The following PAPPA variants were observed in gnomAD, a reference collection of about 807,000 sequenced individuals.
The protein encoded by PAPPA is pappalysin-1.
Under a neutral mutation model 164.0 loss-of-function variants are expected in PAPPA, and 60 were observed. That is an observed-to-expected ratio of 0.37 (90% CI 0.30 to 0.45). The LOEUF (loss-of-function observed/expected upper bound fraction) is 0.45. Ranked by LOEUF, PAPPA falls within the 20% of genes least tolerant of loss-of-function variation. The pLI, the probability that PAPPA is intolerant of heterozygous loss-of-function variation, is 1.00. For synonymous variants in PAPPA, 875 were observed against 814.1 expected, an observed-to-expected ratio of 1.07 and a Z score of -1.27; for missense variants, 1,782 against 2,087.3, an observed-to-expected ratio of 0.85 and a Z score of 2.85.
At position 116,199,599 on chromosome 9, in the gene PAPPA, C is replaced by T. The variant is rs982546434; in HGVS notation, c.1479-7857C>T. On this transcript the variant is annotated intron_variant, in intron 2 of 21. Coordinates refer to ENST00000328252, the MANE Select transcript of PAPPA (RefSeq NM_002581.5). The stretch of plus-strand genomic sequence containing the variant: ...ATCATTTTATCCTCTTACATAAAAT[C>T]TGCCAGGGTCTGCTTGGGACTCCCA... Among the ~76,000 whole-genome samples the T allele has an allele frequency of 9.0e-4, 137 of 152,290 alleles. 1 individual carries two copies. The highest frequency in any genetic ancestry group is 3.2e-3 in the African/African-American group (134 of 41,558).
chr9:116,245,673 T>C (rs1460049933), intron 7 of PAPPA, among the ~76,000 whole-genome samples: 5 of 152,196 alleles, frequency 3.3e-5, no homozygotes, highest in African/African-American at 1.2e-4. Context: ...TTTCCTGAAA[T>C]AGAGGAATAT....
At chr9:116,349,036 C>T (rs963387300) in intron 15 of PAPPA, among the ~76,000 whole-genome samples, 1 of 152,072 alleles carries the variant, frequency 6.6e-6, no homozygotes, top group Non-Finnish European at 1.5e-5. Context: ...TTTGCCCCAC[C>T]TGGCCCTCTC....
At chr9:116,200,400 T>C (rs530945912) in intron 2 of PAPPA, among the ~76,000 whole-genome samples, 155 of 152,252 alleles carry the variant, frequency 1.0e-3, no homozygotes, top group South Asian at 1.0e-2. Flanking sequence ...AAGGATATGG[T>C]CGGTAGCATC....
At position 116,382,505 on chromosome 9, in the gene PAPPA, T is replaced by A. The variant is rs757207889; in HGVS notation, c.4776+12T>A. 6.4e-7 allele frequency: 1 copy of A among 1,560,856 alleles called. No homozygotes were observed. The highest frequency in any genetic ancestry group is 1.4e-5 in the African/African-American group (1 of 73,828). On this transcript the variant is annotated intron_variant, in intron 21 of 21. Coordinates refer to ENST00000328252, the MANE Select transcript of PAPPA (RefSeq NM_002581.5). ...TGAAGACCAAAAAGGTAGGCCAGTG[T>A]GCACTCCTCGGCAGCTGCCTCCTGC...
At chr9:116,341,567 C>T (rs1422808913) in intron 13 of PAPPA, among the ~76,000 whole-genome samples, 1 of 152,190 alleles carries the variant, frequency 6.6e-6, no homozygotes, top group African/African-American at 2.4e-5. Context: ...ACTATAATTT[C>T]ACCTTGGTTT....
chr9:116,374,691 G>A (rs1044238753), intron 19 of PAPPA, among the ~76,000 whole-genome samples: 2 of 152,182 alleles, frequency 1.3e-5, no homozygotes, highest in African/African-American at 4.8e-5. Flanking sequence ...ATAAACAGGG[G>A]AAGGCATGGG....
Position 116,187,897 on chromosome 9 carries a change from A to G in PAPPA, c.1159A>G (p.Lys387Glu). ...FQHHQLAEAF[K>E]QYNISWELDV... The stretch of plus-strand genomic sequence containing the variant: ...GCACCATCAGCTGGCTGAGGCCTTC[A>G]AGCAATACAACATCTCCTGGGAGCT... The change falls in exon 2 of 22, where the codon AAG (lysine) becomes GAG (glutamate). Residue 387 changes from lysine (K) to glutamate (E), a missense_variant. Lys to Glu is a moderately conservative substitution (Grantham distance 56). This residue lies in a region of PAPPA where 1,324 missense variants were observed against 1,656.9 expected (regional missense o/e 0.80). Coordinates refer to ENST00000328252, the MANE Select transcript of PAPPA (RefSeq NM_002581.5). The surrounding 1 kb of genome is among the most constrained non-coding windows in gnomAD (Gnocchi z 4.2). The G allele has an allele frequency of 6.2e-7, 1 of 1,614,172 alleles. No homozygotes were observed. Among genetic ancestry groups the G allele is most frequent in the African/African-American group, 1.3e-5 (1 of 75,074 alleles).
intron 1 of PAPPA, among the ~76,000 whole-genome samples, chr9:116,156,197 G>T (rs757702807): frequency 4.4e-4 from 67 of 150,836 alleles, no homozygotes; most frequent in Admixed American, 1.7e-3. Flanking sequence ...GGAGAGAGGA[G>T]AGCACAGGGT....
At chr9:116,156,346 A>ATATATATATG (rs776123892) in intron 1 of PAPPA, among the ~76,000 whole-genome samples, 1 of 82,502 alleles carries the variant, frequency 1.2e-5, no homozygotes, top group Non-Finnish European at 3.1e-5. Context: ...ATATATATAT[A>ATATATATATG]TGTATATATA....
In PAPPA at chr9:116,187,022, G is replaced by C; in HGVS notation, c.416-132G>C. ...CCAGAGGCACCATTAGCAACTCCTA[G>C]GATCCCACAGAGCAGTTGGAAAGCG... is the stretch of plus-strand genomic sequence containing the variant. On this transcript the variant is annotated intron_variant, in intron 1 of 21. Coordinates refer to ENST00000328252, the MANE Select transcript of PAPPA (RefSeq NM_002581.5). This position sits in a 1 kb window ranked among gnomAD's most constrained non-coding sequence, Gnocchi z 4.2. 6.0e-6 allele frequency: 4 copies of C among 670,210 alleles called. No homozygotes were observed. Among genetic ancestry groups the C allele is most frequent in the Non-Finnish European group, 7.4e-6 (3 of 403,172 alleles). 41.5% of individuals were successfully genotyped at this position (670,210 alleles called of 1,614,324 possible). A position where few individuals can be genotyped will look rare whatever the true frequency, so the allele number is the denominator to read the frequency against.
At chr9:116,229,025 C>G (rs1214366974) in intron 6 of PAPPA, among the ~76,000 whole-genome samples, 1 of 152,114 alleles carries the variant, frequency 6.6e-6, no homozygotes, top group African/African-American at 2.4e-5. Context: ...TGCTGAGTGT[C>G]TGCTAGGGAA....
chr9:116,370,017 A>C (rs1234921691), intron 19 of PAPPA, among the ~76,000 whole-genome samples: 1 of 152,146 alleles, frequency 6.6e-6, no homozygotes, highest in Non-Finnish European at 1.5e-5. Context: ...TGAGAGCTAC[A>C]GAAATAGAGC....
chr9:116,362,857 A>C (rs1846447809), intron 18 of PAPPA, 118 bp downstream of exon 18: 1 of 925,394 alleles, frequency 1.1e-6, no homozygotes, highest in Non-Finnish European at 1.6e-6. Flanking sequence ...TAGGCACTAC[A>C]GAAAGAGAGA....
chr9:116,177,387 T>C (rs1456196493), intron 1 of PAPPA, among the ~76,000 whole-genome samples: 1 of 152,214 alleles, frequency 6.6e-6, no homozygotes, highest in Non-Finnish European at 1.5e-5. Flanking sequence ...CATGCATACA[T>C]ATAAGCATTT....
In PAPPA at chr9:116,353,812, G is replaced by A; in HGVS notation, c.4347+19G>A. ...CTCCCAGGTAAGCCTCCTGGAACTTGAGATTGATACCATGGTCCCTTTCCT... is the reference window on the plus strand; with the variant it reads ...CTCCCAGGTAAGCCTCCTGGAACTTAAGATTGATACCATGGTCCCTTTCCT... On this transcript the variant is annotated intron_variant, in intron 17 of 21. Transcript: ENST00000328252. 1 of 1,594,804 alleles carries A rather than the reference G, an allele frequency of 6.3e-7. No homozygotes were observed. The highest frequency in any genetic ancestry group is 1.7e-5 in the Admixed American group (1 of 59,274).
At position 116,244,841 on chromosome 9, in the gene PAPPA, T is replaced by TATATC. The variant is rs549449051; in HGVS notation, c.2732+9205_2732+9206insTATCA. Among the ~76,000 whole-genome samples, 531 of 152,170 alleles carry TATATC rather than the reference T, an allele frequency of 3.5e-3. 2 individuals carry two copies. The highest frequency in any genetic ancestry group is 0.012 in the African/African-American group (507 of 41,546). On this transcript the variant is annotated intron_variant, in intron 7 of 21. Coordinates refer to ENST00000328252, the MANE Select transcript of PAPPA (RefSeq NM_002581.5). Reference sequence around the variant, plus strand: ...ATCTACCCAAAAGAAGATAAATCATTAGAAAGATACCTGCACCCATATGTT... The same window carrying TATATC: ...ATCTACCCAAAAGAAGATAAATCATTATATCAGAAAGATACCTGCACCCATATGTT...
rs143108796 is a variant in PAPPA at position 116,324,246 on chromosome 9, G to A, written c.3148-6998G>A. On this transcript the variant is annotated intron_variant, in intron 10 of 21. Coordinates refer to ENST00000328252, the MANE Select transcript of PAPPA (RefSeq NM_002581.5). ...CCTGGATTTCAATTTTGGTTCTACCGCTAACTAGTTGTATGACCCTAGGTA... is the reference window on the plus strand; with the variant it reads ...CCTGGATTTCAATTTTGGTTCTACCACTAACTAGTTGTATGACCCTAGGTA... Among the ~76,000 whole-genome samples, 392 of 152,262 alleles carry A rather than the reference G, an allele frequency of 2.6e-3. 2 individuals carry two copies. The highest frequency in any genetic ancestry group is 8.9e-3 in the African/African-American group (369 of 41,556).
chr9:116,374,175 GA>G (rs1564246725), intron 19 of PAPPA, among the ~76,000 whole-genome samples: 58 of 117,712 alleles, frequency 4.9e-4, no homozygotes, highest in South Asian at 3.0e-3. Flanking sequence ...TGGTGTTGAT[GA>G]TGATGATGGT....
At chr9:116,164,704 C>T (rs540893515) in intron 1 of PAPPA, among the ~76,000 whole-genome samples, 12 of 152,248 alleles carry the variant, frequency 7.9e-5, no homozygotes, top group South Asian at 2.1e-4. Flanking sequence ...AAAGGTGGCT[C>T]GGCAGAATGT....
Sources: gnomAD v4.1 joint callset for allele counts (sites outside exome capture counted in the v4.1 genomes callset) on GRCh38, gnomAD v4.1.1 for gene constraint, gnomAD v4.1.1 regional missense constraint, Gnocchi (gnomAD v3.1) non-coding constraint, MANE v1.5 for transcripts, NCBI Gene and HGNC (gene_info 2026-07-23, HGNC 2026-07-21) for gene names.